Variants in MMS22L observed in about 807,000 individuals in gnomAD.
MMS22L encodes protein MMS22-like.
A neutral mutation model predicts 159.1 loss-of-function variants in MMS22L; 74 were observed. The observed-to-expected ratio is 0.47, with a 90% CI of 0.39 to 0.56. MMS22L has a LOEUF of 0.56. Among genes scored for constraint, MMS22L ranks in the 20% least tolerant of loss-of-function variants. The pLI is 0.00. For missense variants in MMS22L, 1,351 were observed against 1,422.1 expected (o/e 0.95, Z 0.80); for synonymous variants, 517 against 506.9 (o/e 1.02, Z -0.27).
Position 97,151,752 on chromosome 6 carries a change from T to C in MMS22L, c.3482+19A>G. 1 of 1,598,056 alleles carries C rather than the reference T, an allele frequency of 6.3e-7. No homozygotes were observed. The highest frequency in any genetic ancestry group is 2.2e-5 in the East Asian group (1 of 44,786). On this transcript the variant is annotated intron_variant, in intron 23 of 24. Coordinates refer to ENST00000683635, the MANE Select transcript of MMS22L (RefSeq NM_001350599.2). ...GGCTGGCAATAGTTTCCTTGCCAGG[T>C]GGCATATTTTCCAGTTACCTAAACA...
chr6:97,169,769 T>C (rs1803332997), intron 19 of MMS22L, among the ~76,000 whole-genome samples: 1 of 152,150 alleles, frequency 6.6e-6, no homozygotes, highest in Admixed American at 6.6e-5. Context: ...AATATACCTG[T>C]AAGGGGAACT....
Position 97,231,742 on chromosome 6 carries a change from CAA to C in MMS22L, c.1303-92_1303-91del, listed in dbSNP as rs1307545882. 3 of 883,200 alleles carry C rather than the reference CAA, an allele frequency of 3.4e-6. No individual in the cohort carries two copies. In the African/African-American group the frequency reaches 5.1e-5, roughly 15 times the overall value. The allele number at this position is 883,200 out of a possible 1,614,324, so 54.7% of individuals were successfully genotyped here. A position where few individuals can be genotyped will look rare whatever the true frequency, so the allele number is the denominator to read the frequency against. ...TGCAAATCCCAGTTAGTTGGTTCAT[CAA>C]AAGTCTGACTCATCTTAATCACAAA... On this transcript the variant is annotated intron_variant, in intron 12 of 24. Coordinates refer to ENST00000683635, the MANE Select transcript of MMS22L (RefSeq NM_001350599.2).
chr6:97,269,094 T>TA (rs918149093), intron 7 of MMS22L, among the ~76,000 whole-genome samples: 1 of 151,638 alleles, frequency 6.6e-6, no homozygotes, highest in African/African-American at 2.4e-5. Flanking sequence ...AAACTCCTAC[T>TA]AAAAAAAGAG....
chr6:97,187,186 C>T lies in MMS22L; in HGVS notation c.2040-496G>A, dbSNP rs966593140. ...TAGACAAAACTATGCTAGATACAAT[C>T]TTACTACTTTGGTCCCAAAAGATTC... On this transcript the variant is annotated intron_variant, in intron 14 of 24. Coordinates refer to ENST00000683635, the MANE Select transcript of MMS22L (RefSeq NM_001350599.2). Among the ~76,000 whole-genome samples, 5 of 152,140 alleles carry T rather than the reference C, an allele frequency of 3.3e-5. No individual in the cohort carries two copies. The East Asian group carries it at 9.6e-4, about 29-fold the overall frequency.
chr6:97,281,345 T>C lies in MMS22L; in HGVS notation c.182A>G (p.Asp61Gly), dbSNP rs143126912. 85 of 1,601,810 alleles carry C rather than the reference T, an allele frequency of 5.3e-5. 1 individual carries two copies. The highest frequency in any genetic ancestry group is 7.2e-5 in the Non-Finnish European group (85 of 1,175,460). ...GALKRLILNLDPLPTNFEEDT... is the reference protein window; with the variant it reads ...GALKRLILNLGPLPTNFEEDT... ...TTCTTCAAAATTAGTTGGTAAAGGG[T>C]CAAGATTCAAAATCAATCTGAAATG... The change falls in exon 3 of 25, where the codon GAC becomes GGC. Residue 61 changes from aspartate to glycine, a missense_variant. Coordinates refer to ENST00000683635, the MANE Select transcript of MMS22L (RefSeq NM_001350599.2).
chr6:97,148,422 GA>G (rs1485208329), intron 24 of MMS22L, among the ~76,000 whole-genome samples: 1 of 152,074 alleles, frequency 6.6e-6, no homozygotes, highest in Non-Finnish European at 1.5e-5. Flanking sequence ...CTTATTGCAG[GA>G]GACGACAGCT....
intron 14 of MMS22L, among the ~76,000 whole-genome samples, chr6:97,219,983 T>G (rs1428608261): frequency 6.6e-6 from 1 of 152,208 alleles, no homozygotes; most frequent in Non-Finnish European, 1.5e-5. Context: ...TTACCAACAC[T>G]GACCACTTCT....
At chr6:97,204,472 G>T (rs1002646663) in intron 14 of MMS22L, among the ~76,000 whole-genome samples, 18 of 152,214 alleles carry the variant, frequency 1.2e-4, no homozygotes, top group African/African-American at 4.3e-4. Flanking sequence ...CAAATGCATA[G>T]AGCTATAAAA....
intron 10 of MMS22L, among the ~76,000 whole-genome samples, chr6:97,252,753 ATACT>A (rs1029494462): frequency 6.6e-6 from 1 of 152,166 alleles, no homozygotes; most frequent in Non-Finnish European, 1.5e-5. Flanking sequence ...ACTAATTGCC[ATACT>A]TACTTACATT....
rs1810871580 is a variant in MMS22L, at chr6:97,231,587, CAAGGGTGA to C, written c.1360_1367del (p.Ser454ValfsTer4). On this transcript the variant is annotated frameshift_variant, in exon 13 of 25. Transcript: ENST00000683635. LOFTEE classifies it high-confidence loss of function. ...AAGTCTTCACCATTTCAAGCATAGACAAGGGTGACTTCATGGTATTAGCAAGGCCTTTA... is the reference window on the plus strand; with the variant it reads ...AAGTCTTCACCATTTCAAGCATAGACCTTCATGGTATTAGCAAGGCCTTTA... 1.2e-6 allele frequency: 2 copies of C among 1,613,710 alleles called. No individual in the cohort carries two copies. The highest frequency in any genetic ancestry group is 1.7e-6 in the Non-Finnish European group (2 of 1,179,856).
intron 10 of MMS22L, among the ~76,000 whole-genome samples, chr6:97,252,538 G>A (rs891256978): frequency 4.0e-5 from 6 of 151,458 alleles, no homozygotes; most frequent in South Asian, 4.2e-4. Context: ...CCAGCTACTC[G>A]GGAGGCTGAG....
chr6:97,181,315 ACT>A (rs1418151119), intron 16 of MMS22L, among the ~76,000 whole-genome samples: 1 of 151,924 alleles, frequency 6.6e-6, no homozygotes, highest in Non-Finnish European at 1.5e-5. Flanking sequence ...CTTCCTGACC[ACT>A]CTACACTATT....
intron 9 of MMS22L, chr6:97,260,004 C>T (rs890045426): frequency 4.6e-5 from 7 of 151,976 alleles, no homozygotes; most frequent in African/African-American, 1.7e-4. Flanking sequence ...TGCATTGAGG[C>T]CTTGTTTTAA....
At chr6:97,224,885 A>AC (rs1474432884) in intron 14 of MMS22L, among the ~76,000 whole-genome samples, 3 of 152,110 alleles carry the variant, frequency 2.0e-5, no homozygotes, top group Non-Finnish European at 4.4e-5. Flanking sequence ...TGCACTTGTA[A>AC]CCTCTATACC....
intron 14 of MMS22L, among the ~76,000 whole-genome samples, chr6:97,227,164 C>G (rs1014519765): frequency 9.1e-6 from 1 of 109,344 alleles, no homozygotes; most frequent in Non-Finnish European, 2.2e-5. Context: ...TTGTAGGATA[C>G]GAACCTATGA....
At chr6:97,204,780 G>A (rs145089982) in intron 14 of MMS22L, among the ~76,000 whole-genome samples, 1,356 of 121,394 alleles carry the variant, frequency 0.011, 15 homozygotes, top group Non-Finnish European at 0.016. Flanking sequence ...AGGCTATGAA[G>A]TGAGACTCAG....
intron 19 of MMS22L, among the ~76,000 whole-genome samples, chr6:97,169,969 C>A (rs979397599): frequency 6.6e-6 from 1 of 151,878 alleles, no homozygotes; most frequent in African/African-American, 2.4e-5. Flanking sequence ...GATATTTTGA[C>A]GAGGGGGTGG....
At chr6:97,236,224 G>A (rs1015239498) in intron 11 of MMS22L, among the ~76,000 whole-genome samples, 3 of 151,150 alleles carry the variant, frequency 2.0e-5, no homozygotes, top group African/African-American at 7.3e-5. Flanking sequence ...AGCTACTCGG[G>A]AGGCCAAAGC....
chr6:97,225,572 G>GTTTTTTTTTTTTTTTTT (rs202185434), intron 14 of MMS22L, among the ~76,000 whole-genome samples: 1 of 142,060 alleles, frequency 7.0e-6, no homozygotes, highest in African/African-American at 2.6e-5. Flanking sequence ...TGGTCTCGAA[G>GTTTTTTTTTTTTTTTTT]TTTTTTTTTT....
Sources: allele counts gnomAD v4.1 joint callset (sites outside exome capture counted in the v4.1 genomes callset), GRCh38; gene constraint gnomAD v4.1.1; transcripts MANE v1.5; gene names NCBI Gene and HGNC (gene_info 2026-07-23, HGNC 2026-07-21).